ITIH6: variants seen among roughly 807,000 people sequenced by gnomAD.
ITIH6 encodes inter-alpha-trypsin inhibitor heavy chain H6.
ITIH6 carries 60 observed loss-of-function variants against 58.2 expected under a neutral mutation model. The observed-to-expected ratio is 1.03, with a 90% CI of 0.84 to 1.28. The LOEUF (loss-of-function observed/expected upper bound fraction) is 1.28, where lower values mean the gene tolerates loss of function less well. ITIH6 is among the 50% of genes most tolerant of loss of function. ITIH6 has a pLI of 0.00. For synonymous variants in ITIH6, 493 were observed against 417.4 expected, an observed-to-expected ratio of 1.18 and a Z score of -2.21; for missense variants, 1,290 against 1,021.1, an observed-to-expected ratio of 1.26 and a Z score of -3.59.
At chrX:54,770,801 C>A (rs1418834204) in intron 6 of ITIH6, among the ~76,000 whole-genome samples, 1 of 112,483 alleles carries the variant, frequency 8.9e-6, no homozygotes, top group African/African-American at 3.2e-5. Flanking sequence ...CAACACTTTT[C>A]CTTTCTTTAT....
chrX:54,751,352 G>A lies in ITIH6; in HGVS notation c.3381C>T (p.Gly1127=), dbSNP rs781411848. The A allele has an allele frequency of 2.6e-5, 31 of 1,210,030 alleles. No individual in the cohort carries two copies. The highest frequency in any genetic ancestry group is 5.2e-5 in the African/African-American group (3 of 57,366). The stretch of plus-strand genomic sequence containing the variant: ...CCTTGTGGCCCGGCCTTGGTGGTGC[G>A]CCAAGCAGCTTCCCACTCACATGCA... ...AGLHVSGKLL[G]APPRPGHKDQ... Residue 1127 remains glycine (G), a synonymous_variant, in exon 12 of 13, where the codon GGC becomes GGT. Transcript: ENST00000218436.
intron 6 of ITIH6, among the ~76,000 whole-genome samples, chrX:54,772,495 C>A (rs1301071894): frequency 8.9e-6 from 1 of 111,977 alleles, no homozygotes; most frequent in Non-Finnish European, 1.9e-5. Context: ...TCCACTGAAC[C>A]TAAAATAAAA....
chrX:54,758,649 T>A lies in ITIH6; in HGVS notation c.1425A>T (p.Ala475=), dbSNP rs1354736162. Residue 475 remains alanine (A), a synonymous_variant, in exon 8 of 13, where the codon GCA becomes GCT. Transcript: ENST00000218436. ...CACCCAGGTAGTTCAGACGCACATCTGCCAGCAGAGGCATGGAGATCTCCT... is the reference window on the plus strand; with the variant it reads ...CACCCAGGTAGTTCAGACGCACATCAGCCAGCAGAGGCATGGAGATCTCCT... ...LYEEISMPLL[A]DVRLNYLGGL... The A allele has an allele frequency of 8.3e-7, 1 of 1,209,938 alleles. No individual in the cohort carries two copies. The highest frequency in any genetic ancestry group is 1.1e-6 in the Non-Finnish European group (1 of 895,149).
chrX:54,756,812 G>T (rs762759735), intron 8 of ITIH6, among the ~76,000 whole-genome samples, 153 bp downstream of exon 8: 1 of 105,339 alleles, frequency 9.5e-6, no homozygotes, highest in Admixed American at 1.0e-4. Flanking sequence ...AAGTCCCAAA[G>T]CAAGCAAGCA....
intron 6 of ITIH6, among the ~76,000 whole-genome samples, chrX:54,761,585 T>C (rs1183883405): frequency 8.9e-6 from 1 of 111,801 alleles, no homozygotes; most frequent in African/African-American, 3.3e-5. Context: ...AACATTTAAG[T>C]CTTTAATCCG....
chrX:54,754,142 T>C (rs1356424880), intron 9 of ITIH6, among the ~76,000 whole-genome samples, 177 bp from the exon 10 acceptor site: 7 of 112,099 alleles, frequency 6.2e-5, no homozygotes, highest in African/African-American at 2.3e-4. Flanking sequence ...AAACTATTGT[T>C]ATGAGTGTCC....
At chrX:54,783,658 T>C (rs1427165476) in intron 5 of ITIH6, among the ~76,000 whole-genome samples, 1 of 111,711 alleles carries the variant, frequency 9.0e-6, no homozygotes, top group Non-Finnish European at 1.9e-5. Context: ...TAATGAAAAG[T>C]ATAAAACACT....
rs961344352 is a variant in ITIH6, at chrX:54,771,396, T to A, written c.903+2685A>T. 1.4e-4 allele frequency among the ~76,000 whole-genome samples: 16 copies of A among 112,403 alleles called. 1 individual carries two copies. Among genetic ancestry groups the A allele is most frequent in the South Asian group, 7.3e-4 (2 of 2,737 alleles). ...TTTCTTAAAATTCTTTTTATTTTTG[T>A]TTTTTAGCTTCAGGAATTTCTATGA... On this transcript the variant is annotated intron_variant, in intron 6 of 12. Coordinates refer to ENST00000218436, the MANE Select transcript of ITIH6 (RefSeq NM_198510.3).
rs1389103362 is a variant in ITIH6 at position 54,753,980 on chromosome X, G to A, written c.3203-15C>T. On this transcript the variant is annotated splice_polypyrimidine_tract_variant and intron_variant, in intron 9 of 12. Coordinates refer to ENST00000218436, the MANE Select transcript of ITIH6 (RefSeq NM_198510.3). ...AGGCAATGTGCCTGCAAAGGAGAGA[G>A]AGACTGTGTTGGGAAGGGACTAATG... 8.3e-7 allele frequency: 1 copy of A among 1,206,692 alleles called. No homozygotes were observed. The highest frequency in any genetic ancestry group is 3.0e-5 in the East Asian group (1 of 33,820).
intron 2 of ITIH6, among the ~76,000 whole-genome samples, chrX:54,793,562 C>G (rs1321319302): frequency 8.9e-6 from 1 of 112,354 alleles, no homozygotes; most frequent in Non-Finnish European, 1.9e-5. Flanking sequence ...TAGAAGACAT[C>G]CACAATCTGA....
intron 5 of ITIH6, among the ~76,000 whole-genome samples, chrX:54,781,384 G>GA (rs1205868965): frequency 1.8e-5 from 2 of 110,730 alleles, no homozygotes; most frequent in Non-Finnish European, 3.8e-5. Flanking sequence ...AAATTTACAA[G>GA]AAAAAAAACA....
chrX:54,756,910 T>A (rs890884687), intron 8 of ITIH6, 55 bp downstream of exon 8: 1 of 756,388 alleles, frequency 1.3e-6, no homozygotes, highest in Non-Finnish European at 1.9e-6. Context: ...CAGCTCCTGG[T>A]ACTGTCCATT....
At chrX:54,784,717 A>G (rs760131503) in intron 5 of ITIH6, among the ~76,000 whole-genome samples, 35 of 111,816 alleles carry the variant, frequency 3.1e-4, no homozygotes, top group African/African-American at 1.1e-3. Context: ...GATGTGGAGA[A>G]AAGGGACCCC....
At chrX:54,760,589 C>T (rs1276426983) in intron 6 of ITIH6, among the ~76,000 whole-genome samples, 4 of 111,358 alleles carry the variant, frequency 3.6e-5, no homozygotes, top group Non-Finnish European at 5.7e-5. Context: ...TCCTTCCCCC[C>T]GCCCCATGCT....
chrX:54,759,819 G>T lies in ITIH6; in HGVS notation c.1012C>A (p.Gln338Lys), dbSNP rs748528878. 77 of 1,208,917 alleles carry T rather than the reference G, an allele frequency of 6.4e-5. No homozygotes were observed. Among genetic ancestry groups the T allele is most frequent in the Non-Finnish European group, 8.2e-5 (73 of 894,211 alleles). ...VNVWKAGGSI[Q>K]ATIQNVHSAK... ...CTGTGGACATTCTGGATGGTGGCCTGGATTGAGCCTCCAGCTTTCCAAACA... is the reference window on the plus strand; with the variant it reads ...CTGTGGACATTCTGGATGGTGGCCTTGATTGAGCCTCCAGCTTTCCAAACA... Residue 338 changes from glutamine (Q) to lysine (K), a missense_variant, in exon 7 of 13, where the codon CAG (glutamine) becomes AAG (lysine). Gln to Lys is a moderately conservative substitution (Grantham distance 53). Transcript: ENST00000218436.
intron 8 of ITIH6, 39 bp downstream of exon 8, chrX:54,756,926 C>T: frequency 3.2e-6 from 3 of 933,350 alleles, no homozygotes; most frequent in Non-Finnish European, 4.4e-6. Context: ...CCATTCATAC[C>T]TCACCCTCAT....
Position 54,751,142 on chromosome X carries a change from A to T in ITIH6, c.3591T>A (p.Leu1197=), listed in dbSNP as rs149957596. The T allele has an allele frequency of 4.2e-4, 503 of 1,208,539 alleles. 1 individual carries two copies. The highest frequency in any genetic ancestry group is 3.7e-4 in the Non-Finnish European group (330 of 894,473). ...CAAGGTAGGGCCCAAGGCGGAGGGT[A>T]AGGCGGGCTGCAGCAGCCACATAGA... ...LELYVAAAAR[L]TLRLGPYLEF... is the part of the protein sequence containing the mutation. Residue 1197 remains leucine (L), a synonymous_variant, in exon 12 of 13, where the codon CTT becomes CTA. Transcript: ENST00000218436.
In ITIH6 at chrX:54,758,131, G is replaced by C; in HGVS notation, c.1943C>G (p.Ala648Gly). ...GACCTTGGGCACCAAGGCTGGCTGA[G>C]CTGTGCTTACCCCTAGGCCATGCCT... Reference protein sequence around the residue: ...SSRHGLGVSTAQPALVPKVIS... With the variant: ...SSRHGLGVSTGQPALVPKVIS... The change falls in exon 8 of 13, where the codon GCT becomes GGT. Residue 648 changes from alanine (A) to glycine (G), a missense_variant. Ala to Gly is a moderately conservative substitution (Grantham distance 60). Coordinates refer to ENST00000218436, the MANE Select transcript of ITIH6 (RefSeq NM_198510.3). 8.3e-7 allele frequency: 1 copy of C among 1,211,877 alleles called. No individual in the cohort carries two copies. Among genetic ancestry groups the C allele is most frequent in the Non-Finnish European group, 1.1e-6 (1 of 895,508 alleles).
chrX:54,783,710 T>C lies in ITIH6; in HGVS notation c.786+4770A>G, dbSNP rs551205473. ...GAGGACACTAAAAAATGGAAAGATA[T>C]TCCATGTTCATGGATTGGAAGACTC... is the stretch of plus-strand genomic sequence containing the variant. On this transcript the variant is annotated intron_variant, in intron 5 of 12. Transcript: ENST00000218436. Among the ~76,000 whole-genome samples, 3 of 112,195 alleles carry C rather than the reference T, an allele frequency of 2.7e-5. No individual in the cohort carries two copies. In the East Asian group the frequency reaches 8.4e-4, roughly 31 times the overall value.
Sources: allele counts gnomAD v4.1 joint callset (sites outside exome capture counted in the v4.1 genomes callset), GRCh38; gene constraint gnomAD v4.1.1; transcripts MANE v1.5; gene names NCBI Gene and HGNC (gene_info 2026-07-23, HGNC 2026-07-21).